The following TOX variants were observed in gnomAD, a reference collection of about 807,000 sequenced individuals.
TOX encodes the protein thymocyte selection associated high mobility group box.
In TOX, 11 loss-of-function variants were observed where a neutral mutation model predicts 53.7. The ratio of observed to expected loss-of-function variants is 0.20; its 90% confidence interval spans 0.13 to 0.34. TOX has a LOEUF of 0.34. TOX is among the 10% of genes least tolerant of loss of function. The pLI, the probability that TOX is intolerant of heterozygous loss-of-function variation, is 1.00. For synonymous variants in TOX, 225 were observed against 245.3 expected (o/e 0.92, Z 0.77); for missense variants, 570 against 664.6 (o/e 0.86, Z 1.56).
At chr8:58,808,020 C>A in intron 8 of TOX, 98 bp downstream of exon 8, 1 of 1,489,254 alleles carries the variant, frequency 6.7e-7, no homozygotes, top group Non-Finnish European at 9.1e-7. Flanking sequence ...TGAAACTATC[C>A]CGGATCATGT....
At chr8:58,932,142 G>GA (rs796389984) in intron 3 of TOX, among the ~76,000 whole-genome samples, 8 of 151,718 alleles carry the variant, frequency 5.3e-5, no homozygotes, top group Admixed American at 2.0e-4. Context: ...TGTCCAAAAA[G>GA]GAAAAAACCC....
At chr8:59,083,406 A>G (rs2129423318) in intron 1 of TOX, among the ~76,000 whole-genome samples, 1 of 152,358 alleles carries the variant, frequency 6.6e-6, no homozygotes, top group Admixed American at 6.5e-5. Flanking sequence ...TAATATTTTA[A>G]GAGTTATTCA....
chr8:58,884,404 T>A (rs1811434477), intron 3 of TOX, among the ~76,000 whole-genome samples: 1 of 152,150 alleles, frequency 6.6e-6, no homozygotes, highest in Non-Finnish European at 1.5e-5. Context: ...ATCATTCCAA[T>A]GGGACCTGAC....
intron 1 of TOX, among the ~76,000 whole-genome samples, chr8:59,042,042 T>G (rs1051933875): frequency 6.6e-6 from 1 of 152,200 alleles, no homozygotes; most frequent in Non-Finnish European, 1.5e-5. Context: ...TTTCTCCATA[T>G]AGCGTACTCC....
intron 1 of TOX, among the ~76,000 whole-genome samples, chr8:59,064,693 A>T (rs1804056049): frequency 6.6e-6 from 1 of 152,072 alleles, no homozygotes; most frequent in South Asian, 2.1e-4. Context: ...GTACAAATAC[A>T]TTTCCTTCTA....
Position 58,914,179 on chromosome 8 carries a change from G to A in TOX, c.411+25123C>T, listed in dbSNP as rs144233944. ...TGAAGTATGATGGGAAGAACCCAAAGAGAGTCAGAACAGGTTGGTTTCGTC... is the reference window on the plus strand; with the variant it reads ...TGAAGTATGATGGGAAGAACCCAAAAAGAGTCAGAACAGGTTGGTTTCGTC... On this transcript the variant is annotated intron_variant, in intron 3 of 8. Transcript: ENST00000361421. 2.9e-3 allele frequency among the ~76,000 whole-genome samples: 441 copies of A among 152,336 alleles called. 1 individual carries two copies. The highest frequency in any genetic ancestry group is 0.011 in the South Asian group (54 of 4,828).
intron 1 of TOX, among the ~76,000 whole-genome samples, chr8:59,073,199 AAC>A (rs1454351111): frequency 3.3e-5 from 5 of 152,188 alleles, no homozygotes; most frequent in Non-Finnish European, 7.4e-5. Context: ...CAATACTTAT[AAC>A]TGATACTTGG....
At chr8:58,831,204 C>T (rs1810447919) in intron 5 of TOX, among the ~76,000 whole-genome samples, 1 of 151,998 alleles carries the variant, frequency 6.6e-6, no homozygotes, top group East Asian at 1.9e-4. Context: ...GGTAAGAATC[C>T]GAACCGAGGT....
At chr8:59,057,661 A>G (rs1465219213) in intron 1 of TOX, among the ~76,000 whole-genome samples, 5 of 152,198 alleles carry the variant, frequency 3.3e-5, no homozygotes, top group African/African-American at 9.7e-5. Context: ...GTATATGAAT[A>G]CCATATATTT....
chr8:59,082,570 G>A (rs900503552), intron 1 of TOX, among the ~76,000 whole-genome samples: 2 of 152,118 alleles, frequency 1.3e-5, no homozygotes, highest in Admixed American at 1.3e-4. Context: ...ATGCCTTCTA[G>A]GTGTGGGCAT....
chr8:58,949,640 T>C (rs965713966), intron 2 of TOX, among the ~76,000 whole-genome samples: 1 of 152,148 alleles, frequency 6.6e-6, no homozygotes, highest in African/African-American at 2.4e-5. Flanking sequence ...TAACAATTGA[T>C]TGCAATTTAT....
Position 59,119,067 on chromosome 8 carries a change from A to G in TOX, c.-80T>C. 1 of 922,122 alleles carries G rather than the reference A, an allele frequency of 1.1e-6. No homozygotes were observed. Among genetic ancestry groups the G allele is most frequent in the Admixed American group, 2.1e-5 (1 of 47,402 alleles). 57.1% of individuals were successfully genotyped at this position (922,122 alleles called of 1,614,324 possible). A position where few individuals can be genotyped will look rare whatever the true frequency, so the allele number is the denominator to read the frequency against. On this transcript the variant is annotated 5_prime_UTR_variant, in exon 1 of 9. Coordinates refer to ENST00000361421, the MANE Select transcript of TOX (RefSeq NM_014729.3). ...TCAGCAAAACAAGCTTAGACGGAAC[A>G]GAGTGAGGTGTCTGGGCTCAGGAGT...
intron 1 of TOX, among the ~76,000 whole-genome samples, chr8:59,031,042 G>T (rs572538577): frequency 6.6e-6 from 1 of 152,254 alleles, no homozygotes; most frequent in African/African-American, 2.4e-5. Context: ...ATTATTGGGG[G>T]TACAAAGAAG....
chr8:58,992,786 CTCT>C (rs1813480434), intron 1 of TOX: 1 of 152,172 alleles, frequency 6.6e-6, no homozygotes, highest in African/African-American at 2.4e-5. Context: ...CACATCAATT[CTCT>C]TCTTTACTTA....
intron 3 of TOX, among the ~76,000 whole-genome samples, chr8:58,902,790 T>A (rs149222521): frequency 6.6e-5 from 10 of 152,362 alleles, no homozygotes; most frequent in Non-Finnish European, 1.2e-4. Flanking sequence ...TTCCACCCTA[T>A]GCCTTACAAA....
chr8:59,091,696 A>G (rs1167962832), intron 1 of TOX, among the ~76,000 whole-genome samples: 3 of 152,118 alleles, frequency 2.0e-5, no homozygotes, highest in East Asian at 1.9e-4. Context: ...GGTGGTATCA[A>G]TAAGTATTTG....
chr8:58,908,636 T>C (rs1811859525), intron 3 of TOX, among the ~76,000 whole-genome samples: 1 of 152,230 alleles, frequency 6.6e-6, no homozygotes, highest in South Asian at 2.1e-4. Flanking sequence ...TCATAACATG[T>C]TTCAATACTT....
Position 58,815,493 on chromosome 8 carries a change from T to C in TOX, c.1237A>G (p.Met413Val), listed in dbSNP as rs765831894. The C allele has an allele frequency of 6.2e-7, 1 of 1,613,962 alleles. No individual in the cohort carries two copies. Among genetic ancestry groups the C allele is most frequent in the East Asian group, 2.2e-5 (1 of 44,838 alleles). ...AGGGGAGGAGGAGGGGACACAGCCA[T>C]GTTTGCTATAGAGACAGTCACTGGC... is the stretch of plus-strand genomic sequence containing the variant. ...QMPVTVSIAN[M>V]AVSPPPPLQI... The change falls in exon 7 of 9, where the codon ATG becomes GTG. Residue 413 changes from methionine to valine, a missense_variant. Around this residue, in one of 3 missense-constraint regions of TOX, gnomAD observed 239 missense variants for 250.7 expected, o/e 0.95. Coordinates refer to ENST00000361421, the MANE Select transcript of TOX (RefSeq NM_014729.3).
intron 1 of TOX, among the ~76,000 whole-genome samples, chr8:59,041,701 A>G (rs538155710): frequency 6.6e-6 from 1 of 152,326 alleles, no homozygotes; most frequent in African/African-American, 2.4e-5. Flanking sequence ...TATCTGACAT[A>G]TGGTAGGAAA....
Sources: gnomAD v4.1 joint callset for allele counts (sites outside exome capture counted in the v4.1 genomes callset) on GRCh38, gnomAD v4.1.1 for gene constraint, gnomAD v4.1.1 regional missense constraint, MANE v1.5 for transcripts, NCBI Gene and HGNC (gene_info 2026-07-23, HGNC 2026-07-21) for gene names.